ANKRD30A: variants seen among roughly 807,000 people sequenced by gnomAD.
ANKRD30A encodes the protein ankyrin repeat domain 30A, also known as ankyrin repeat domain-containing protein 30A.
ANKRD30A carries 170 observed loss-of-function variants against 166.3 expected under a neutral mutation model. That is an observed-to-expected ratio of 1.02 (90% CI 0.90 to 1.16). The LOEUF (loss-of-function observed/expected upper bound fraction) is 1.16. Among genes scored for constraint, ANKRD30A ranks in the 50% most tolerant of loss-of-function variants. The pLI is 0.00. For missense variants in ANKRD30A, 1,630 were observed against 1,518.0 expected, an observed-to-expected ratio of 1.07 and a Z score of -1.23; for synonymous variants, 564 against 508.9, an observed-to-expected ratio of 1.11 and a Z score of -1.46.
chr10:37,125,832 G>C lies in ANKRD30A; in HGVS notation c.45G>C (p.Pro15=). 6.0e-6 allele frequency: 6 copies of C among 995,124 alleles called. No homozygotes were observed. The highest frequency in any genetic ancestry group is 9.1e-6 in the Non-Finnish European group (6 of 657,608). The allele number at this position is 995,124 out of a possible 1,614,324, so 61.6% of individuals were successfully genotyped here. ...SAAAVKVVPG[P]ERPSPFSQLV... is the part of the protein sequence containing the mutation. ...CCGCTGTCAAGGTCGTGCCGGGCCC[G>C]GAGCGCCCGAGCCCTTTCAGCCAGC... Residue 15 remains proline, a synonymous_variant, in exon 1 of 36, where the codon CCG becomes CCC. Coordinates refer to ENST00000361713, the MANE Select transcript of ANKRD30A (RefSeq NM_052997.3).
At chr10:37,165,307 T>A (rs577295662) in intron 18 of ANKRD30A, 152 bp downstream of exon 18, 194 of 784,002 alleles carry the variant, frequency 2.5e-4, no homozygotes, top group Non-Finnish European at 3.7e-4. Context: ...AGAATCTATG[T>A]GCTAAGTAGA....
At position 37,219,723 on chromosome 10, in the gene ANKRD30A, A is replaced by AT. The variant is rs1341821287; in HGVS notation, c.4011_4012insT (p.Val1338CysfsTer5). ...AAAATATGTGGCTTCAACAGCAATT[A>AT]GTTCATGCACATAAGAAAGCTGACA... is the stretch of plus-strand genomic sequence containing the variant. On this transcript the variant is annotated frameshift_variant, in exon 34 of 36. Transcript: ENST00000361713. LOFTEE classifies it high-confidence loss of function. 6 of 1,609,220 alleles carry AT rather than the reference A, an allele frequency of 3.7e-6. No homozygotes were observed. The highest frequency in any genetic ancestry group is 4.2e-6 in the Non-Finnish European group (5 of 1,177,110).
the ANKRD30A span, among the ~76,000 whole-genome samples, chr10:37,253,731 G>A: frequency 6.7e-6 from 1 of 149,316 alleles, no homozygotes; most frequent in Non-Finnish European, 1.5e-5. Flanking sequence ...CACTGCAAGC[G>A]CCACCTCCGG....
Position 37,165,120 on chromosome 10 carries a change from C to G in ANKRD30A, c.2029C>G (p.Gln677Glu), listed in dbSNP as rs41304589. ...ADEILPSESKQKDYEENSWDT... is the reference protein window; with the variant it reads ...ADEILPSESKEKDYEENSWDT... ...TGAGATACTCCCATCAGAATCCAAA[C>G]AAAAGGACTATGAAGAAAATTCTTG... Residue 677 changes from glutamine (Q) to glutamate (E), a missense_variant, in exon 18 of 36, where the codon CAA (glutamine) becomes GAA (glutamate). Physicochemically the swap from Gln to Glu is conservative, Grantham distance 29. This residue lies in a region of ANKRD30A where 904 missense variants were observed against 818.5 expected (regional missense o/e 1.10). Coordinates refer to ENST00000361713, the MANE Select transcript of ANKRD30A (RefSeq NM_052997.3). 88,443 of 1,591,158 alleles carry G rather than the reference C, an allele frequency of 0.056. 3,391 individuals carry two copies. Among genetic ancestry groups the G allele is most frequent in the Middle Eastern group, 0.066 (395 of 5,978 alleles).
At chr10:37,204,237 A>G (rs1192720474) in intron 31 of ANKRD30A, among the ~76,000 whole-genome samples, 1 of 152,200 alleles carries the variant, frequency 6.6e-6, no homozygotes, top group Non-Finnish European at 1.5e-5. Flanking sequence ...ACTTCAAACT[A>G]TACTACAAGG....
chr10:37,195,475 A>C (rs2132672167), intron 27 of ANKRD30A, among the ~76,000 whole-genome samples: 1 of 152,288 alleles, frequency 6.6e-6, no homozygotes, highest in South Asian at 2.1e-4. Context: ...TTCAGAAGAT[A>C]TTGATGCCTT....
chr10:37,204,982 C>T lies in ANKRD30A; in HGVS notation c.2869+3657C>T, dbSNP rs182535473. The stretch of plus-strand genomic sequence containing the variant: ...TGGAGAGGATGTGGAGAAATAGGAA[C>T]GCTTTTACACTGTTGGTGGGAGTGT... On this transcript the variant is annotated intron_variant, in intron 31 of 35. Coordinates refer to ENST00000361713, the MANE Select transcript of ANKRD30A (RefSeq NM_052997.3). Among the ~76,000 whole-genome samples, 250 of 152,182 alleles carry T rather than the reference C, an allele frequency of 1.6e-3. 5 individuals carry two copies. The highest frequency in any genetic ancestry group is 1.4e-3 in the Non-Finnish European group (94 of 67,998).
In ANKRD30A at chr10:37,216,873, G is replaced by A. The variant is rs192772169; in HGVS notation, c.3083+479G>A. Among the ~76,000 whole-genome samples, 784 of 151,016 alleles carry A rather than the reference G, an allele frequency of 5.2e-3. 4 individuals are homozygous for A. Among genetic ancestry groups the A allele is most frequent in the Non-Finnish European group, 8.6e-3 (580 of 67,242 alleles). On this transcript the variant is annotated intron_variant, in intron 32 of 35. Transcript: ENST00000361713. Reference sequence around the variant, plus strand: ...TTCATTACAGTTCAACAAAGAGAGCGTGAAATGGCCATTCTTCTTTCCCCA... The same window carrying A: ...TTCATTACAGTTCAACAAAGAGAGCATGAAATGGCCATTCTTCTTTCCCCA...
intron 15 of ANKRD30A, among the ~76,000 whole-genome samples, chr10:37,158,817 C>G (rs1348766188): frequency 6.6e-6 from 1 of 152,038 alleles, no homozygotes; most frequent in African/African-American, 2.4e-5. Flanking sequence ...ACTTTAATAT[C>G]CTGATAGTGT....
intron 31 of ANKRD30A, among the ~76,000 whole-genome samples, chr10:37,213,584 G>T (rs1842453549): frequency 7.1e-6 from 1 of 141,026 alleles, no homozygotes. Flanking sequence ...GGTTTCTTAA[G>T]GTAAAAGTCA....
At chr10:37,136,727 T>G in intron 6 of ANKRD30A, 56 bp downstream of exon 6, 2 of 1,039,546 alleles carry the variant, frequency 1.9e-6, no homozygotes, top group Non-Finnish European at 2.8e-6. Context: ...ATTATGGAAG[T>G]GTTGATCACA....
chr10:37,203,734 A>G (rs1436963130), intron 31 of ANKRD30A, among the ~76,000 whole-genome samples: 2 of 152,096 alleles, frequency 1.3e-5, no homozygotes, highest in Admixed American at 1.3e-4. Flanking sequence ...TATTTAGAAA[A>G]CCCCATTGTC....
At chr10:37,153,778 A>G (rs1033132778) in intron 13 of ANKRD30A, 116 bp downstream of exon 13, 1 of 1,397,656 alleles carries the variant, frequency 7.2e-7, no homozygotes, top group Admixed American at 2.2e-5. Flanking sequence ...CCATGGAAAA[A>G]AAGAGAAGTG....
rs1272256968 is a variant in ANKRD30A, at chr10:37,136,628, A to T, written c.777A>T (p.Glu259Asp). Residue 259 changes from glutamate (E) to aspartate (D), a missense_variant, in exon 6 of 36, where the codon GAA (glutamate) becomes GAT (aspartate). By Grantham distance (45) the Glu-to-Asp change is conservative. Coordinates refer to ENST00000361713, the MANE Select transcript of ANKRD30A (RefSeq NM_052997.3). ...GFHHIHEQIM[E>D]YIRKLSKNHQ... The stretch of plus-strand genomic sequence containing the variant: ...ATAGCATTCATGAACAAATTATGGA[A>T]TATATACGAAAATTATCTAAAAATC... 10 of 1,405,406 alleles carry T rather than the reference A, an allele frequency of 7.1e-6. No individual in the cohort carries two copies. The highest frequency in any genetic ancestry group is 9.8e-6 in the Non-Finnish European group (10 of 1,021,522). The allele number at this position is 1,405,406 out of a possible 1,614,324, so 87.1% of individuals were successfully genotyped here. A position where few individuals can be genotyped will look rare whatever the true frequency, so the allele number is the denominator to read the frequency against.
At position 37,134,044 on chromosome 10, in the gene ANKRD30A, G is replaced by T. The variant is rs373380909; in HGVS notation, c.746G>T (p.Gly249Val). The change falls in exon 5 of 36, where the codon GGA (glycine) becomes GTA (valine). Residue 249 changes from glycine to valine, a missense_variant. Physicochemically the swap from Gly to Val is moderately radical, Grantham distance 109 (BLOSUM62 -3). Coordinates refer to ENST00000361713, the MANE Select transcript of ANKRD30A (RefSeq NM_052997.3). ...VTAEHYAVTC[G>V]FHHIHEQIME... is the part of the protein sequence containing the mutation. ...GCAGAACATTATGCTGTTACTTGTG[G>T]ATTTCATCAGTAAGTGTTTACGTTT... The T allele has an allele frequency of 1.7e-5, 27 of 1,613,718 alleles. No homozygotes were observed. Among genetic ancestry groups the T allele is most frequent in the Non-Finnish European group, 2.3e-5 (27 of 1,179,864 alleles).
intron 34 of ANKRD30A, among the ~76,000 whole-genome samples, chr10:37,221,361 C>G (rs1163730879): frequency 6.6e-6 from 1 of 151,096 alleles, no homozygotes; most frequent in Admixed American, 6.6e-5. Context: ...CTTGGCTGAT[C>G]TCAATAAACA....
chr10:37,203,628 C>T (rs181573777), intron 31 of ANKRD30A, among the ~76,000 whole-genome samples: 1 of 152,176 alleles, frequency 6.6e-6, no homozygotes. Flanking sequence ...GTTGGAAGTT[C>T]TGGCCAGGGC....
intron 15 of ANKRD30A, among the ~76,000 whole-genome samples, chr10:37,160,184 C>T (rs1838744345): frequency 6.6e-6 from 1 of 152,104 alleles, no homozygotes; most frequent in South Asian, 2.1e-4. Flanking sequence ...CACTAAAAGT[C>T]GACATTAAAT....
intron 31 of ANKRD30A, among the ~76,000 whole-genome samples, chr10:37,206,691 G>A (rs1842014829): frequency 6.6e-6 from 1 of 152,056 alleles, no homozygotes; most frequent in African/African-American, 2.4e-5. Context: ...CTACTCAGGA[G>A]GCTGAGGCAG....
Sources: allele counts gnomAD v4.1 joint callset (sites outside exome capture counted in the v4.1 genomes callset), GRCh38; gene constraint gnomAD v4.1.1; regional missense constraint gnomAD v4.1.1; transcripts MANE v1.5; gene names NCBI Gene and HGNC (gene_info 2026-07-23, HGNC 2026-07-21).